PLA2G4D: variants seen among roughly 807,000 people sequenced by gnomAD.
PLA2G4D encodes cytosolic phospholipase A2 delta.
PLA2G4D carries 80 observed loss-of-function variants against 94.4 expected under a neutral mutation model. That is an observed-to-expected ratio of 0.85 (90% CI 0.71 to 1.02). The LOEUF is 1.02. Among genes scored for constraint, PLA2G4D ranks in the 50% least tolerant of loss-of-function variants. The probability of loss-of-function intolerance (pLI) is 0.00; values close to 1 mark genes in which losing one functional copy is unlikely to be tolerated. For synonymous variants in PLA2G4D, 438 were observed against 440.9 expected (o/e 0.99, Z 0.08); for missense variants, 1,050 against 1,034.7 (o/e 1.01, Z -0.20).
intron 5 of PLA2G4D, 49 bp downstream of exon 5, chr15:42,085,442 T>TCAGA (rs151065238): frequency 0.11 from 169,895 of 1,604,220 alleles, 10,037 homozygotes; most frequent in Middle Eastern, 0.14. Context: ...GGCCATTTCC[T>TCAGA]CAGAGCCTGA....
Position 42,071,908 on chromosome 15 carries a change from C to T in PLA2G4D, c.1439G>A (p.Trp480Ter), listed in dbSNP as rs752597094. ...NNLETLDFKE[W>*]VEFSPYEVGF... ...GACCTCATAGGGGGAGAACTCAACC[C>T]ACTCTAATGGGGTGGGAAGGAGAGG... Residue 480 changes from tryptophan (W) to a stop codon, truncating the protein, a stop_gained, in exon 15 of 20, where the codon TGG (tryptophan) becomes TAG (stop). Transcript: ENST00000290472. LOFTEE classifies it high-confidence loss of function. 2 of 1,614,036 alleles carry T rather than the reference C, an allele frequency of 1.2e-6. No individual in the cohort carries two copies. The highest frequency in any genetic ancestry group is 2.2e-5 in the South Asian group (2 of 91,068).
rs968595297 is a variant in PLA2G4D, at chr15:42,084,862, G to A, written c.471+234C>T. On this transcript the variant is annotated intron_variant, in intron 6 of 19. Coordinates refer to ENST00000290472, the MANE Select transcript of PLA2G4D (RefSeq NM_178034.4). The surrounding 1 kb of genome is among the most constrained non-coding windows in gnomAD (Gnocchi z 4.8). Reference sequence around the variant, plus strand: ...CCGGAAGCACCCCGAACAGCCGTGGGCCAGAACCTCCTCTCAGCAGAGCCC... The same window carrying A: ...CCGGAAGCACCCCGAACAGCCGTGGACCAGAACCTCCTCTCAGCAGAGCCC... 6.6e-6 allele frequency among the ~76,000 whole-genome samples: 1 copy of A among 152,186 alleles called. No individual in the cohort carries two copies. The highest frequency in any genetic ancestry group is 2.4e-5 in the African/African-American group (1 of 41,442).
At chr15:42,086,432 T>C in intron 3 of PLA2G4D, 88 bp from the exon 4 acceptor site, 1 of 1,355,488 alleles carries the variant, frequency 7.4e-7, no homozygotes, top group Non-Finnish European at 1.0e-6. Context: ...ATGTCTAGAG[T>C]CAGAGAAGAT....
At chr15:42,072,251 G>T in intron 14 of PLA2G4D, 24 bp downstream of exon 14, 1 of 1,583,486 alleles carries the variant, frequency 6.3e-7, no homozygotes, top group Non-Finnish European at 8.7e-7. Flanking sequence ...GGAGTATGTG[G>T]GAGGGGAGTA....
intron 5 of PLA2G4D, 68 bp downstream of exon 5, chr15:42,085,423 C>A: frequency 1.3e-6 from 2 of 1,551,724 alleles, no homozygotes; most frequent in East Asian, 4.5e-5. Flanking sequence ...ACAGGGAGAT[C>A]TGGGTCAGGG....
intron 15 of PLA2G4D, 103 bp downstream of exon 15, chr15:42,071,671 T>TTG: frequency 1.9e-6 from 1 of 540,426 alleles, no homozygotes; most frequent in Non-Finnish European, 2.9e-6. Context: ...CCGCCACCCC[T>TTG]CCCCCTTGTC....
chr15:42,078,874 CT>C (rs1351433573), intron 13 of PLA2G4D, among the ~76,000 whole-genome samples: 2 of 152,206 alleles, frequency 1.3e-5, no homozygotes, highest in African/African-American at 2.4e-5. Context: ...ATAATTGTAT[CT>C]GTGTAAAGTT....
intron 8 of PLA2G4D, 36 bp downstream of exon 8, chr15:42,083,162 C>G (rs775082323): frequency 1.1e-5 from 17 of 1,599,822 alleles, no homozygotes; most frequent in Middle Eastern, 2.0e-4. Context: ...CTGCCCAAGC[C>G]TAGGATTGCA....
Position 42,082,316 on chromosome 15 carries a change from A to G in PLA2G4D, c.746T>C (p.Ile249Thr), listed in dbSNP as rs140968583. ...AACATCCATAGTCACCTCCTTCCCA[A>G]TGGTCAAGGGCCTCAGGGGCACAGT... is the stretch of plus-strand genomic sequence containing the variant. Reference protein sequence around the residue: ...YLTVPLRPLTIGKEVTMDVPA... With the variant: ...YLTVPLRPLTTGKEVTMDVPA... The change falls in exon 9 of 20, where the codon ATT becomes ACT. Residue 249 changes from isoleucine (I) to threonine (T), a missense_variant. By Grantham distance (89) the Ile-to-Thr change is moderately conservative. Coordinates refer to ENST00000290472, the MANE Select transcript of PLA2G4D (RefSeq NM_178034.4). 541 of 1,614,068 alleles carry G rather than the reference A, an allele frequency of 3.4e-4. No homozygotes were observed. Among genetic ancestry groups the G allele is most frequent in the Non-Finnish European group, 4.2e-4 (499 of 1,179,984 alleles).
intron 11 of PLA2G4D, 42 bp downstream of exon 11, chr15:42,081,437 C>T (rs776634551): frequency 2.1e-5 from 33 of 1,596,758 alleles, no homozygotes; most frequent in Admixed American, 1.7e-4. Context: ...CCTTATGGCC[C>T]GTCCAGGATA....
Position 42,087,701 on chromosome 15 carries a change from C to A in PLA2G4D, c.46-1G>T. 2.5e-6 allele frequency: 4 copies of A among 1,614,088 alleles called. No homozygotes were observed. Among genetic ancestry groups the A allele is most frequent in the South Asian group, 1.1e-5 (1 of 91,072 alleles). ...GCTGCCAGCAGGTAGAGGCCTCCCC[C>A]TGAAGAGAAAATCAAACTCCAGAGT... is the stretch of plus-strand genomic sequence containing the variant. On this transcript the variant is annotated splice_acceptor_variant, in intron 1 of 19. Transcript: ENST00000290472. LOFTEE classifies it high-confidence loss of function.
Position 42,080,986 on chromosome 15 carries a change from A to C in PLA2G4D, c.1094+11T>G, listed in dbSNP as rs746906140. On this transcript the variant is annotated intron_variant, in intron 12 of 19. Transcript: ENST00000290472. ...GATTGTCTCTGCCACCCAGTCCCCC[A>C]GGATCCTCACCACGTAGAGCCAGAG... The C allele has an allele frequency of 6.2e-7, 1 of 1,612,796 alleles. No homozygotes were observed. Among genetic ancestry groups the C allele is most frequent in the Non-Finnish European group, 8.5e-7 (1 of 1,179,294 alleles).
At chr15:42,076,710 C>T (rs1476734263) in intron 13 of PLA2G4D, among the ~76,000 whole-genome samples, 1 of 152,112 alleles carries the variant, frequency 6.6e-6, no homozygotes, top group Non-Finnish European at 1.5e-5. Context: ...TAAAAGTCTG[C>T]CCAAGATATA....
intron 1 of PLA2G4D, among the ~76,000 whole-genome samples, chr15:42,088,917 G>A (rs1202716568): frequency 3.9e-5 from 6 of 152,158 alleles, no homozygotes; most frequent in African/African-American, 1.2e-4. Context: ...CCTATGAAAT[G>A]CTAACCCCAG....
chr15:42,093,381 G>T (rs950599633), intron 1 of PLA2G4D, among the ~76,000 whole-genome samples: 2 of 152,164 alleles, frequency 1.3e-5, no homozygotes, highest in African/African-American at 4.8e-5. Context: ...CACAGCCTTC[G>T]CCAGGGAGAT....
At chr15:42,083,139 G>C in intron 8 of PLA2G4D, 59 bp downstream of exon 8, 1 of 1,565,684 alleles carries the variant, frequency 6.4e-7, no homozygotes, top group African/African-American at 1.4e-5. Context: ...GGAGGGGCCC[G>C]CTGCAGCTGG....
At chr15:42,085,397 T>C in intron 5 of PLA2G4D, 94 bp downstream of exon 5, 1 of 1,424,860 alleles carries the variant, frequency 7.0e-7, no homozygotes, top group Non-Finnish European at 9.9e-7. Flanking sequence ...TGAGGGACAG[T>C]CAGGCTGGAC....
At chr15:42,071,655 T>TG in intron 15 of PLA2G4D, 104 bp from the exon 16 acceptor site, 61 of 1,178,874 alleles carry the variant, frequency 5.2e-5, no homozygotes, top group Non-Finnish European at 6.6e-5. Context: ...CTACAATGCA[T>TG]CCCCCCCGCC....
chr15:42,069,068 G>T, intron 19 of PLA2G4D, 127 bp from the exon 20 acceptor site: 1 of 745,978 alleles, frequency 1.3e-6, no homozygotes. Context: ...TGTGTCCTTT[G>T]CCCAGGAATG....
Sources: gnomAD v4.1 joint callset for allele counts (sites outside exome capture counted in the v4.1 genomes callset) on GRCh38, gnomAD v4.1.1 for gene constraint, Gnocchi (gnomAD v3.1) non-coding constraint, MANE v1.5 for transcripts, NCBI Gene and HGNC (gene_info 2026-07-23, HGNC 2026-07-21) for gene names.